Variants in PCDHGB6 observed in about 807,000 individuals in gnomAD.
PCDHGB6 encodes the protein protocadherin gamma subfamily B, 6.
PCDHGB6 carries 51 observed loss-of-function variants against 59.1 expected under a neutral mutation model. The ratio of observed to expected loss-of-function variants is 0.86; its 90% CI spans 0.69 to 1.09. PCDHGB6 has a LOEUF of 1.09. Ranked by LOEUF, PCDHGB6 falls within the 50% of genes least tolerant of loss-of-function variation. The pLI, the probability that PCDHGB6 is intolerant of heterozygous loss-of-function variation, is 0.00. For synonymous variants in PCDHGB6, 466 were observed against 495.1 expected (o/e 0.94, Z 0.78); for missense variants, 1,148 against 1,205.1 (o/e 0.95, Z 0.70).
intron 1 of PCDHGB6, among the ~76,000 whole-genome samples, chr5:141,437,588 A>G (rs1399641711): frequency 6.6e-6 from 1 of 152,134 alleles, no homozygotes; most frequent in African/African-American, 2.4e-5. Context: ...CATGAATTGG[A>G]TAGTTCTGGT....
intron 1 of PCDHGB6, among the ~76,000 whole-genome samples, chr5:141,470,537 A>G (rs189730495): frequency 1.3e-5 from 2 of 152,256 alleles, no homozygotes; most frequent in Non-Finnish European, 2.9e-5. Context: ...TGTATCAGGT[A>G]ATATTTATTG....
At chr5:141,455,438 C>G (rs1350941007) in intron 1 of PCDHGB6, among the ~76,000 whole-genome samples, 1 of 152,082 alleles carries the variant, frequency 6.6e-6, no homozygotes, top group Non-Finnish European at 1.5e-5. Context: ...GAGGAGGTCC[C>G]CATCTACCGC....
chr5:141,415,182 C>T (rs2095840318), intron 1 of PCDHGB6: 2 of 1,613,842 alleles, frequency 1.2e-6, no homozygotes, highest in Non-Finnish European at 1.7e-6. Flanking sequence ...TGGCCGTGGC[C>T]GACAGCATCC....
chr5:141,451,001 A>T (rs909477017), intron 1 of PCDHGB6, among the ~76,000 whole-genome samples: 2 of 148,266 alleles, frequency 1.3e-5, no homozygotes, highest in Middle Eastern at 3.4e-3. Context: ...ATTTTTTTGT[A>T]TTTTTTTTAG....
At chr5:141,423,722 GT>G in intron 1 of PCDHGB6, 1 of 954,176 alleles carries the variant, frequency 1.0e-6, no homozygotes, top group Admixed American at 5.1e-5. Flanking sequence ...TTAAGGAGAT[GT>G]TTTTTGAGCC....
rs1226463441 is a variant in PCDHGB6, at chr5:141,432,906, T to A, written c.2418+22286T>A. 6.2e-7 allele frequency: 1 copy of A among 1,614,176 alleles called. No individual in the cohort carries two copies. The highest frequency in any genetic ancestry group is 8.5e-7 in the Non-Finnish European group (1 of 1,180,002). ...GTCATCTTGCTGCTGGCGCTCAGGC[T>A]GCGGCGCTGGCACAAGTCACGCCTG... On this transcript the variant is annotated intron_variant, in intron 1 of 3. Coordinates refer to ENST00000520790, the MANE Select transcript of PCDHGB6 (RefSeq NM_018926.3). The surrounding 1 kb of genome is among the most constrained non-coding windows in gnomAD (Gnocchi z 6.0).
In PCDHGB6 at chr5:141,489,180, C is replaced by T. The variant is rs942218118; in HGVS notation, c.2419-5627C>T. 7.9e-7 allele frequency: 1 copy of T among 1,259,748 alleles called. No homozygotes were observed. The highest frequency in any genetic ancestry group is 2.0e-4 in the Middle Eastern group (1 of 5,096). The allele number at this position is 1,259,748 out of a possible 1,614,324, so 78.0% of individuals were successfully genotyped here. A position where few individuals can be genotyped will look rare whatever the true frequency, so the allele number is the denominator to read the frequency against. On this transcript the variant is annotated intron_variant, in intron 1 of 3. Coordinates refer to ENST00000520790, the MANE Select transcript of PCDHGB6 (RefSeq NM_018926.3). This position sits in a 1 kb window ranked among gnomAD's most constrained non-coding sequence, Gnocchi z 4.5. ...GACTTCAGCTGCTGCATTCCAAGCCCTGGGTCTACCTTGGAGACAGGACAG... is the reference window on the plus strand; with the variant it reads ...GACTTCAGCTGCTGCATTCCAAGCCTTGGGTCTACCTTGGAGACAGGACAG...
rs1208504589 is a variant in PCDHGB6, at chr5:141,431,631, T to C, written c.2418+21011T>C. On this transcript the variant is annotated intron_variant, in intron 1 of 3. Coordinates refer to ENST00000520790, the MANE Select transcript of PCDHGB6 (RefSeq NM_018926.3). The surrounding 1 kb of genome is among the most constrained non-coding windows in gnomAD (Gnocchi z 4.8). ...TATGTGGACGACAAGGCGGCCCAAG[T>C]TTTCAAACTAGATTGTAATTCAGGG... The C allele has an allele frequency of 6.2e-6, 10 of 1,614,132 alleles. No individual in the cohort carries two copies. Among genetic ancestry groups the C allele is most frequent in the Non-Finnish European group, 8.5e-6 (10 of 1,180,016 alleles).
chr5:141,483,472 T>C (rs1457039859), intron 1 of PCDHGB6, among the ~76,000 whole-genome samples: 2 of 152,076 alleles, frequency 1.3e-5, no homozygotes, highest in Non-Finnish European at 2.9e-5. Flanking sequence ...TGACATGATA[T>C]AGGAAGTGAG....
chr5:141,454,932 C>G (rs945154196), intron 1 of PCDHGB6, among the ~76,000 whole-genome samples: 7 of 150,770 alleles, frequency 4.6e-5, no homozygotes, highest in Non-Finnish European at 1.0e-4. Context: ...CTCAGCCTCC[C>G]GAGTAGCTGG....
At chr5:141,483,648 T>TTGTGTGTGTGTGTG (rs111458813) in intron 1 of PCDHGB6, among the ~76,000 whole-genome samples, 2 of 149,592 alleles carry the variant, frequency 1.3e-5, no homozygotes, top group Non-Finnish European at 3.0e-5. Context: ...GGGTGTGTGT[T>TTGTGTGTGTGTGTG]TGTGTGTGTG....
Position 141,431,570 on chromosome 5 carries a change from G to T in PCDHGB6, c.2418+20950G>T. On this transcript the variant is annotated intron_variant, in intron 1 of 3. Coordinates refer to ENST00000520790, the MANE Select transcript of PCDHGB6 (RefSeq NM_018926.3). This position sits in a 1 kb window ranked among gnomAD's most constrained non-coding sequence, Gnocchi z 4.8. The stretch of plus-strand genomic sequence containing the variant: ...TGTAGTCAACGCTACCGACCCTGAC[G>T]AAGGAGTCAATGCGGAAGTGAGGTA... The T allele has an allele frequency of 6.2e-7, 1 of 1,614,172 alleles. No homozygotes were observed. Among genetic ancestry groups the T allele is most frequent in the Non-Finnish European group, 8.5e-7 (1 of 1,180,024 alleles).
intron 2 of PCDHGB6, among the ~76,000 whole-genome samples, chr5:141,500,587 C>T (rs1418158417): frequency 6.6e-5 from 10 of 152,170 alleles, no homozygotes; most frequent in South Asian, 2.1e-4. Flanking sequence ...ACACTTTATT[C>T]ACATATTAAG....
At chr5:141,446,296 G>A (rs2098497546) in intron 1 of PCDHGB6, among the ~76,000 whole-genome samples, 1 of 152,160 alleles carries the variant, frequency 6.6e-6, no homozygotes, top group Non-Finnish European at 1.5e-5. Context: ...GGGGAGCAGG[G>A]ATTAAGAGTG....
At chr5:141,449,273 C>T (rs1168190907) in intron 1 of PCDHGB6, among the ~76,000 whole-genome samples, 1 of 151,982 alleles carries the variant, frequency 6.6e-6, no homozygotes, top group Non-Finnish European at 1.5e-5. Flanking sequence ...ACTGTATCTC[C>T]TTCACCCGGA....
chr5:141,418,635 C>G, intron 1 of PCDHGB6: 1 of 1,614,018 alleles, frequency 6.2e-7, no homozygotes. Flanking sequence ...CCTCCAGGCA[C>G]CTCCATCCTG....
At chr5:141,419,849 T>C in intron 1 of PCDHGB6, 1 of 1,614,040 alleles carries the variant, frequency 6.2e-7, no homozygotes, top group East Asian at 2.2e-5. Context: ...GCACCTGGTG[T>C]TCGCAGATAG....
At chr5:141,470,383 G>A (rs569789033) in intron 1 of PCDHGB6, among the ~76,000 whole-genome samples, 7 of 152,246 alleles carry the variant, frequency 4.6e-5, no homozygotes, top group South Asian at 2.1e-4. Context: ...AAGACTACTC[G>A]ATGATATTTA....
At position 141,491,458 on chromosome 5, in the gene PCDHGB6, G is replaced by T. The variant is rs867069360; in HGVS notation, c.2419-3349G>T. 1.9e-6 allele frequency: 3 copies of T among 1,613,974 alleles called. No homozygotes were observed. The highest frequency in any genetic ancestry group is 1.6e-4 in the Middle Eastern group (1 of 6,084). On this transcript the variant is annotated intron_variant, in intron 1 of 3. Coordinates refer to ENST00000520790, the MANE Select transcript of PCDHGB6 (RefSeq NM_018926.3). This position sits in a 1 kb window ranked among gnomAD's most constrained non-coding sequence, Gnocchi z 6.9. ...CAGGCGCCAGGACTCACCCTCCCCGGACTTCTATAAGCAGTCCAGCCCCAA... is the reference window on the plus strand; with the variant it reads ...CAGGCGCCAGGACTCACCCTCCCCGTACTTCTATAAGCAGTCCAGCCCCAA...
Sources: allele counts gnomAD v4.1 joint callset (sites outside exome capture counted in the v4.1 genomes callset), GRCh38; gene constraint gnomAD v4.1.1; non-coding constraint Gnocchi (gnomAD v3.1); transcripts MANE v1.5; gene names NCBI Gene and HGNC (gene_info 2026-07-23, HGNC 2026-07-21).